Variants in OGG1 observed in about 807,000 individuals in gnomAD.
OGG1 encodes the protein N-glycosylase/DNA lyase.
OGG1 carries 35 observed loss-of-function variants against 42.3 expected under a neutral mutation model. The observed-to-expected ratio is 0.83, with a 90% CI of 0.63 to 1.10. OGG1 has a LOEUF of 1.10. Ranked by LOEUF, OGG1 falls within the 50% of genes least tolerant of loss-of-function variation. The probability of loss-of-function intolerance (pLI) is 0.00; values close to 1 mark genes in which losing one functional copy is unlikely to be tolerated. For missense variants in OGG1, 484 were observed against 446.7 expected (o/e 1.08, Z -0.75); for synonymous variants, 189 against 179.0 (o/e 1.06, Z -0.44).
exon 8 of OGG1, chr3:9,765,852 C>G (rs745862612): frequency 3.1e-6 from 5 of 1,614,046 alleles, no homozygotes; most frequent in Non-Finnish European, 4.2e-6. Flanking sequence ...CTTCTGCGTC[C>G]TCTTATCTTC....
intron 5 of OGG1, 46 bp from the exon 6 acceptor site, chr3:9,756,721 G>A: frequency 1.2e-6 from 2 of 1,613,418 alleles, no homozygotes; most frequent in African/African-American, 2.7e-5. Context: ...CTGTTGATGG[G>A]TCACAGAAGG....
At chr3:9,764,844 C>T (rs1053467649) in intron 7 of OGG1, among the ~76,000 whole-genome samples, 14 of 151,672 alleles carry the variant, frequency 9.2e-5, no homozygotes, top group Non-Finnish European at 1.8e-4. Flanking sequence ...GTTGGTCAGG[C>T]GATAATTGAT....
At chr3:9,753,509 C>T (rs2077401910) in intron 3 of OGG1, among the ~76,000 whole-genome samples, 1 of 151,878 alleles carries the variant, frequency 6.6e-6, no homozygotes, top group African/African-American at 2.4e-5. Flanking sequence ...AAAAAATTAG[C>T]CGGGTGTGGT....
At chr3:9,780,248 C>A in intron 2 of OGG1, 1 of 1,218,964 alleles carries the variant, frequency 8.2e-7, no homozygotes, top group South Asian at 1.5e-5. Context: ...TAGAGACTGC[C>A]GCCATTTGAG....
chr3:9,777,932 C>T (rs1296238988), intron 2 of OGG1, among the ~76,000 whole-genome samples: 1 of 152,132 alleles, frequency 6.6e-6, no homozygotes, highest in Non-Finnish European at 1.5e-5. Flanking sequence ...ATAGGGAGTA[C>T]CATTCACATA....
chr3:9,751,038 G>T lies in OGG1; in HGVS notation c.231G>T (p.Val77=). 1.2e-6 allele frequency: 2 copies of T among 1,613,864 alleles called. No homozygotes were observed. The highest frequency in any genetic ancestry group is 1.7e-6 in the Non-Finnish European group (2 of 1,179,850). Reference sequence around the variant, plus strand: ...CTGAGGAGCAGCTCCACTGCACTGTGTACCGAGGAGACAAGAGCCAGGCTA... The same window carrying T: ...CTGAGGAGCAGCTCCACTGCACTGTTTACCGAGGAGACAAGAGCCAGGCTA... ...TQTEEQLHCT[V]YRGDKSQASR... is the part of the protein sequence containing the mutation. The change falls in exon 2 of 7, where the codon GTG becomes GTT. Residue 77 remains valine (V), a synonymous_variant. Coordinates refer to ENST00000344629, the MANE Select transcript of OGG1 (RefSeq NM_002542.6).
At chr3:9,787,757 G>A (rs2078650061) in exon 4 of OGG1, 6 of 1,248,980 alleles carry the variant, frequency 4.8e-6, no homozygotes, top group Admixed American at 2.3e-5. Flanking sequence ...GATAAGTGAA[G>A]TGAAAGAGAG....
chr3:9,752,440 A>G (rs1334510058), intron 3 of OGG1, among the ~76,000 whole-genome samples: 2 of 150,678 alleles, frequency 1.3e-5, no homozygotes, highest in African/African-American at 4.9e-5. Flanking sequence ...GTAAAATTCA[A>G]GCTGGTATCA....
intron 7 of OGG1, chr3:9,765,750 C>G: frequency 6.2e-7 from 1 of 1,613,592 alleles, no homozygotes; most frequent in Non-Finnish European, 8.5e-7. Flanking sequence ...AAGGCTGTGG[C>G]CCACGCACTT....
At chr3:9,788,899 G>C (rs998248427), downstream of OGG1, among the ~76,000 whole-genome samples, 3 of 150,044 alleles carry the variant, frequency 2.0e-5, no homozygotes, top group African/African-American at 7.4e-5. Context: ...GCAGTGGCGT[G>C]ATCTCGGCTC....
At position 9,763,110 on chromosome 3, in the gene OGG1, G is replaced by A. The variant is rs746451289; in HGVS notation, c.1049-2699G>A. ...GGGTTGGGACAGCTGGGAGAGGTGT[G>A]GGGGCAGGGCAGAGGTTGGGCCACT... On this transcript the variant is annotated intron_variant, in intron 7 of 7. Coordinates refer to the OGG1 transcript ENST00000302008. 2.5e-6 allele frequency: 4 copies of A among 1,614,018 alleles called. No individual in the cohort carries two copies. In the South Asian group the frequency reaches 3.3e-5, roughly 13 times the overall value.
intron 3 of OGG1, chr3:9,787,137 G>A (rs772770187): frequency 1.2e-6 from 2 of 1,614,196 alleles, no homozygotes; most frequent in Non-Finnish European, 1.7e-6. Flanking sequence ...AGGAGGGGAG[G>A]TGGGCTGAAG....
At chr3:9,768,952 A>G (rs1694068406), downstream of OGG1, among the ~76,000 whole-genome samples, 1 of 151,898 alleles carries the variant, frequency 6.6e-6, no homozygotes, top group Non-Finnish European at 1.5e-5. Context: ...GGCCTACCAA[A>G]TACAACCCTC....
At chr3:9,772,363 G>C (rs1270046581) in intron 2 of OGG1, among the ~76,000 whole-genome samples, 1 of 152,154 alleles carries the variant, frequency 6.6e-6, no homozygotes, top group African/African-American at 2.4e-5. Context: ...TCATCCAAGA[G>C]GAATCTATAG....
intron 7 of OGG1, among the ~76,000 whole-genome samples, chr3:9,765,371 C>G (rs1473105678): frequency 1.3e-5 from 2 of 152,054 alleles, no homozygotes; most frequent in Admixed American, 1.3e-4. Context: ...TGGATTTAGT[C>G]TGGGGGTCAG....
chr3:9,789,999 G>A, downstream of OGG1: 1 of 1,546,660 alleles, frequency 6.5e-7, no homozygotes, highest in Non-Finnish European at 8.7e-7. Flanking sequence ...AGGGGGAGAA[G>A]GGAAAACACA....
At chr3:9,790,319 C>T (rs545461095), downstream of OGG1, among the ~76,000 whole-genome samples, 10 of 152,354 alleles carry the variant, frequency 6.6e-5, no homozygotes, top group South Asian at 2.1e-4. Context: ...TACCCAGGTT[C>T]TTAGATGCTA....
At chr3:9,775,615 T>C (rs1024194684) in intron 2 of OGG1, among the ~76,000 whole-genome samples, 1 of 151,954 alleles carries the variant, frequency 6.6e-6, no homozygotes, top group African/African-American at 2.4e-5. Context: ...ATGTTATATA[T>C]AATGTAAGGC....
At chr3:9,763,153 G>T (rs773044708) in intron 7 of OGG1, 2 of 1,614,114 alleles carry the variant, frequency 1.2e-6, no homozygotes, top group Non-Finnish European at 1.7e-6. Context: ...GCATGATGAG[G>T]TAGAGGTGGC....
Sources: allele counts gnomAD v4.1 joint callset (sites outside exome capture counted in the v4.1 genomes callset), GRCh38; gene constraint gnomAD v4.1.1; transcripts MANE v1.5; gene names NCBI Gene and HGNC (gene_info 2026-07-23, HGNC 2026-07-21).